Variants in DHX30 observed in about 807,000 individuals in gnomAD.
The protein encoded by DHX30 is DExH-box helicase 30.
Under a neutral mutation model 116.9 loss-of-function variants are expected in DHX30, and 4 were observed. The ratio of observed to expected loss-of-function variants is 0.03; its 90% CI spans 0.02 to 0.08. The LOEUF is 0.08. Among genes scored for constraint, DHX30 ranks in the 10% least tolerant of loss-of-function variants. The pLI is 1.00. For synonymous variants in DHX30, 697 were observed against 651.7 expected (o/e 1.07, Z -1.06); for missense variants, 871 against 1,595.1 (o/e 0.55, Z 7.73).
chr3:47,819,515 T>A (rs1169049740), intron 4 of DHX30, among the ~76,000 whole-genome samples: 1 of 152,206 alleles, frequency 6.6e-6, no homozygotes, highest in African/African-American at 2.4e-5. Flanking sequence ...CGTGGGTGTG[T>A]GCATTTTGCC....
chr3:47,835,464 G>A (rs932398258), intron 6 of DHX30, among the ~76,000 whole-genome samples: 7 of 151,316 alleles, frequency 4.6e-5, no homozygotes, highest in African/African-American at 1.7e-4. Flanking sequence ...CACTGTGCCC[G>A]GCCAATTTTT....
chr3:47,846,138 T>C, intron 10 of DHX30, 27 bp from the exon 11 acceptor site: 3 of 1,589,942 alleles, frequency 1.9e-6, no homozygotes, highest in Non-Finnish European at 2.6e-6. Context: ...TCTTTTTCAT[T>C]GTTTTGCTTG....
intron 8 of DHX30, chr3:47,842,478 A>C (rs965164177): frequency 6.6e-6 from 1 of 152,262 alleles, no homozygotes; most frequent in East Asian, 1.9e-4. Flanking sequence ...TTTGTCTTTT[A>C]AGTTGTTTAT....
rs576205995 is a variant in DHX30 at position 47,810,531 on chromosome 3, G to A, written c.-27-126G>A. 26 of 716,510 alleles carry A rather than the reference G, an allele frequency of 3.6e-5. No individual in the cohort carries two copies. In the South Asian group the frequency reaches 4.2e-4, roughly 12 times the overall value. The allele number at this position is 716,510 out of a possible 1,614,324, so 44.4% of individuals were successfully genotyped here. A position where few individuals can be genotyped will look rare whatever the true frequency, so the allele number is the denominator to read the frequency against. On this transcript the variant is annotated intron_variant, in intron 2 of 21. Transcript: ENST00000445061. ...TCAAGACTGGGGAGCAGCAGTTGGG[G>A]CTCATTAGTGAAGAGTTTCATTTTT...
At chr3:47,841,297 T>C in intron 7 of DHX30, 119 bp downstream of exon 7, 1 of 1,414,192 alleles carries the variant, frequency 7.1e-7, no homozygotes, top group Non-Finnish European at 9.5e-7. Flanking sequence ...TTTCAGCCTG[T>C]GTGCCCCATC....
intron 3 of DHX30, among the ~76,000 whole-genome samples, chr3:47,817,814 C>T (rs1020431441): frequency 2.0e-5 from 3 of 152,164 alleles, no homozygotes; most frequent in Non-Finnish European, 4.4e-5. Flanking sequence ...CTCTCTAAGG[C>T]TGTCACATAT....
intron 3 of DHX30, among the ~76,000 whole-genome samples, chr3:47,814,262 T>C (rs2035937711): frequency 6.8e-6 from 1 of 146,760 alleles, no homozygotes; most frequent in African/African-American, 2.5e-5. Context: ...CCGTCTCTAC[T>C]AAAAAAAAAT....
chr3:47,821,603 T>C (rs190103929), intron 4 of DHX30, among the ~76,000 whole-genome samples: 1 of 149,792 alleles, frequency 6.7e-6, no homozygotes, highest in East Asian at 2.0e-4. Context: ...CCTTTACTGA[T>C]TGATTGATTG....
rs1320304304 is a variant in DHX30 at position 47,835,128 on chromosome 3, C to T, written c.367-5749C>T. Among the ~76,000 whole-genome samples the T allele has an allele frequency of 3.3e-5, 5 of 151,590 alleles. No homozygotes were observed. In the South Asian group the frequency reaches 6.2e-4, roughly 19 times the overall value. ...AAGCAATTCTCCTGCCTCAGCCTCC[C>T]GAGTGCCTGGGATTACAGGCATGTG... On this transcript the variant is annotated intron_variant, in intron 6 of 21. Coordinates refer to ENST00000445061, the MANE Select transcript of DHX30 (RefSeq NM_138615.3).
chr3:47,838,605 G>A lies in DHX30; in HGVS notation c.367-2272G>A, dbSNP rs150884132. ...TCACTCTCCAGCTTGTCATGAGTTG[G>A]GTGGGATTGAAAGCTCACTGTAGAG... On this transcript the variant is annotated intron_variant, in intron 6 of 21. Coordinates refer to ENST00000445061, the MANE Select transcript of DHX30 (RefSeq NM_138615.3). Among the ~76,000 whole-genome samples the A allele has an allele frequency of 5.1e-3, 779 of 152,304 alleles. 7 individuals are homozygous for A. The highest frequency in any genetic ancestry group is 0.018 in the African/African-American group (744 of 41,554).
chr3:47,816,836 T>G (rs2036080757), intron 3 of DHX30: 3 of 985,198 alleles, frequency 3.0e-6, no homozygotes, highest in South Asian at 4.7e-5. Flanking sequence ...TCAAAAATAC[T>G]GAAACATTGA....
At chr3:47,843,289 A>G in intron 9 of DHX30, 34 bp downstream of exon 9, 1 of 1,611,374 alleles carries the variant, frequency 6.2e-7, no homozygotes, top group Admixed American at 1.7e-5. Context: ...GTGGTGCATG[A>G]GAATGTCTTG....
intron 4 of DHX30, among the ~76,000 whole-genome samples, chr3:47,822,918 C>T (rs1278443738): frequency 2.6e-5 from 4 of 151,748 alleles, no homozygotes; most frequent in South Asian, 2.1e-4. Flanking sequence ...ACAGTGAAAC[C>T]CTGTCTCTAC....
At chr3:47,819,069 C>G (rs527262471) in intron 4 of DHX30, among the ~76,000 whole-genome samples, 3 of 152,296 alleles carry the variant, frequency 2.0e-5, no homozygotes, top group African/African-American at 4.8e-5. Context: ...TTTTCACACT[C>G]CTGCTGCTGC....
intron 2 of DHX30, among the ~76,000 whole-genome samples, chr3:47,810,206 G>A (rs1461390260): frequency 2.6e-5 from 4 of 152,208 alleles, no homozygotes; most frequent in African/African-American, 9.7e-5. Flanking sequence ...GCAGTCATCA[G>A]TCCTGTTTCC....
intron 4 of DHX30, 90 bp downstream of exon 4, chr3:47,818,207 G>A (rs2036144820): frequency 1.4e-6 from 1 of 712,080 alleles, no homozygotes; most frequent in Admixed American, 2.0e-5. Context: ...CAGGGCCACA[G>A]CCCTCCAGAA....
intron 4 of DHX30, among the ~76,000 whole-genome samples, chr3:47,826,449 T>C (rs1436072057): frequency 1.3e-5 from 2 of 150,566 alleles, no homozygotes; most frequent in Admixed American, 1.3e-4. Context: ...TCTTTCTTTT[T>C]TTTTTTTTTT....
intron 6 of DHX30, among the ~76,000 whole-genome samples, chr3:47,840,584 C>T (rs920286168): frequency 2.6e-5 from 4 of 151,864 alleles, no homozygotes; most frequent in East Asian, 2.0e-4. Context: ...TGTAGTGAGC[C>T]GTGATTGTGC....
In DHX30 at chr3:47,847,191, T is replaced by C; in HGVS notation, c.1930-82T>C. 1 of 1,573,942 alleles carries C rather than the reference T, an allele frequency of 6.4e-7. No individual in the cohort carries two copies. The highest frequency in any genetic ancestry group is 1.1e-5 in the South Asian group (1 of 89,814). On this transcript the variant is annotated intron_variant, in intron 11 of 21. Coordinates refer to ENST00000445061, the MANE Select transcript of DHX30 (RefSeq NM_138615.3). The surrounding 1 kb of genome is among the most constrained non-coding windows in gnomAD (Gnocchi z 5.5). The stretch of plus-strand genomic sequence containing the variant: ...TTGGAGTTGATGTCAAGCGGCTCCG[T>C]CTCACTGAGTCAGGTGGCTGTGTCC...
Sources: gnomAD v4.1 joint callset for allele counts (sites outside exome capture counted in the v4.1 genomes callset) on GRCh38, gnomAD v4.1.1 for gene constraint, Gnocchi (gnomAD v3.1) non-coding constraint, MANE v1.5 for transcripts, NCBI Gene and HGNC (gene_info 2026-07-23, HGNC 2026-07-21) for gene names.